ZNF280D: variants seen among roughly 807,000 people sequenced by gnomAD.
ZNF280D encodes zinc finger protein 280D.
In ZNF280D, 39 loss-of-function variants were observed where a neutral mutation model predicts 94.7. The observed-to-expected ratio is 0.41, with a 90% confidence interval of 0.32 to 0.54. The LOEUF is 0.54. Ranked by LOEUF, ZNF280D falls within the 20% of genes least tolerant of loss-of-function variation. The pLI, the probability that ZNF280D is intolerant of heterozygous loss-of-function variation, is 0.22. For missense variants in ZNF280D, 1,090 were observed against 1,149.3 expected, an observed-to-expected ratio of 0.95 and a Z score of 0.75; for synonymous variants, 398 against 377.6, an observed-to-expected ratio of 1.05 and a Z score of -0.63.
At chr15:56,719,092 C>A (rs1181011016) in intron 1 of ZNF280D, among the ~76,000 whole-genome samples, 6 of 152,086 alleles carry the variant, frequency 3.9e-5, no homozygotes, top group Non-Finnish European at 1.5e-5. Context: ...CTAATAGATC[C>A]CATAGTCTCA....
At chr15:56,706,682 C>A (rs977605859) in intron 3 of ZNF280D, among the ~76,000 whole-genome samples, 3 of 152,096 alleles carry the variant, frequency 2.0e-5, no homozygotes, top group African/African-American at 7.2e-5. Context: ...GCAGCCCTAG[C>A]AAACTCATAT....
chr15:56,635,097 T>C, intron 21 of ZNF280D, 98 bp downstream of exon 21: 1 of 679,762 alleles, frequency 1.5e-6, no homozygotes. Context: ...TATACAAACA[T>C]TTAAATAGTC....
At chr15:56,680,395 T>C (rs563353668) in intron 10 of ZNF280D, among the ~76,000 whole-genome samples, 2 of 152,332 alleles carry the variant, frequency 1.3e-5, no homozygotes, top group South Asian at 2.1e-4. Context: ...TTATCAGATA[T>C]AATTTTCTTA....
chr15:56,725,664 T>G (rs2058594661), intron 1 of ZNF280D, among the ~76,000 whole-genome samples: 1 of 152,050 alleles, frequency 6.6e-6, no homozygotes, highest in South Asian at 2.1e-4. Context: ...AAGACCACAT[T>G]TAGAGAACTA....
chr15:56,731,949 A>G (rs2058913537), intron 1 of ZNF280D, among the ~76,000 whole-genome samples: 1 of 152,160 alleles, frequency 6.6e-6, no homozygotes, highest in Non-Finnish European at 1.5e-5. Flanking sequence ...GTGAGAGGTC[A>G]GCTTGAGCCC....
intron 19 of ZNF280D, chr15:56,653,154 T>C: frequency 9.9e-7 from 1 of 1,012,258 alleles, no homozygotes; most frequent in Non-Finnish European, 1.2e-6. Flanking sequence ...TCCAAGGATA[T>C]GAAAGTAGCC....
chr15:56,640,409 CA>C (rs1460451281), intron 20 of ZNF280D, among the ~76,000 whole-genome samples: 2 of 152,020 alleles, frequency 1.3e-5, no homozygotes, highest in Non-Finnish European at 2.9e-5. Context: ...AGGTGTGTGC[CA>C]TTGTGCCCAG....
At chr15:56,672,481 T>C (rs565656567) in intron 13 of ZNF280D, among the ~76,000 whole-genome samples, 2 of 152,288 alleles carry the variant, frequency 1.3e-5, no homozygotes, top group African/African-American at 4.8e-5. Flanking sequence ...GAGTCACATT[T>C]ATTGATTTGC....
chr15:56,673,379 C>T (rs539281447), intron 13 of ZNF280D, among the ~76,000 whole-genome samples: 1 of 152,144 alleles, frequency 6.6e-6, no homozygotes, highest in South Asian at 2.1e-4. Flanking sequence ...CTTTCTCTTA[C>T]ATCTACTGTC....
Position 56,637,493 on chromosome 15 carries a change from T to C in ZNF280D, c.2260-2243A>G, listed in dbSNP as rs1016715675. 3.3e-5 allele frequency among the ~76,000 whole-genome samples: 5 copies of C among 152,132 alleles called. No individual in the cohort carries two copies. The South Asian group carries it at 6.2e-4, about 19-fold the overall frequency. On this transcript the variant is annotated intron_variant, in intron 20 of 21. Coordinates refer to ENST00000267807, the MANE Select transcript of ZNF280D (RefSeq NM_017661.4). ...ACCACACCTGGCCTCTCCATAATGA[T>C]GTTGAGACCATCCTCCTCAACAAAG... is the stretch of plus-strand genomic sequence containing the variant.
rs768319086 is a variant in ZNF280D at position 56,704,282 on chromosome 15, G to A, written c.29-15C>T. On this transcript the variant is annotated splice_polypyrimidine_tract_variant and intron_variant, in intron 3 of 21. Transcript: ENST00000267807. ...TTTTGAATTACCTAATTTTCAAAAG[G>A]AGAGAAGTAAACCTCATTTTTGAAA... 88 of 1,597,722 alleles carry A rather than the reference G, an allele frequency of 5.5e-5. No individual in the cohort carries two copies. Among genetic ancestry groups the A allele is most frequent in the Non-Finnish European group, 7.1e-5 (83 of 1,175,006 alleles).
intron 13 of ZNF280D, among the ~76,000 whole-genome samples, chr15:56,669,391 G>C (rs1471765795): frequency 6.6e-6 from 1 of 151,898 alleles, no homozygotes; most frequent in African/African-American, 2.4e-5. Context: ...AATCTAACCA[G>C]ACATTTCAAA....
rs2052082262 is a variant in ZNF280D, at chr15:56,631,708, A to G, written c.2730T>C (p.Val910=). ...CCAAATGAATACTGCCTTGCTCGCT[A>G]ACATCAGAACTAACAGATTCAGGTT... is the stretch of plus-strand genomic sequence containing the variant. The part of the protein sequence containing the change: ...RHEPESVSSD[V]SEQGSIHLEP... The change falls in exon 22 of 22, where the codon GTT becomes GTC. Residue 910 remains valine, a synonymous_variant. Coordinates refer to ENST00000267807, the MANE Select transcript of ZNF280D (RefSeq NM_017661.4). 1 of 1,614,058 alleles carries G rather than the reference A, an allele frequency of 6.2e-7. No individual in the cohort carries two copies. Among genetic ancestry groups the G allele is most frequent in the African/African-American group, 1.3e-5 (1 of 74,928 alleles).
chr15:56,727,675 G>A (rs1382007171), intron 1 of ZNF280D, among the ~76,000 whole-genome samples: 1 of 152,056 alleles, frequency 6.6e-6, no homozygotes, highest in Non-Finnish European at 1.5e-5. Context: ...TGCCCAAAAT[G>A]GAAGAGAAGA....
intron 1 of ZNF280D, among the ~76,000 whole-genome samples, chr15:56,731,500 C>T (rs2058884189): frequency 1.3e-5 from 1 of 78,904 alleles, no homozygotes; most frequent in African/African-American, 4.2e-5. Context: ...GAGCAAGTAC[C>T]TATCTCAAAA....
Position 56,630,733 on chromosome 15 carries a change from T to C in ZNF280D, c.*765A>G, listed in dbSNP as rs772908687. The stretch of plus-strand genomic sequence containing the variant: ...GGTTTCTACTTTACATTAATACAAC[T>C]AATACATCAAAGAATTTCTACACAG... On this transcript the variant is annotated 3_prime_UTR_variant, in exon 22 of 22. Transcript: ENST00000267807. The C allele has an allele frequency of 4.6e-5, 7 of 152,134 alleles. No homozygotes were observed. Among genetic ancestry groups the C allele is most frequent in the Non-Finnish European group, 1.0e-4 (7 of 68,012 alleles). 9.4% of individuals were successfully genotyped at this position (152,134 alleles called of 1,614,324 possible).
At chr15:56,703,346 A>G (rs1163220597) in intron 4 of ZNF280D, among the ~76,000 whole-genome samples, 8 of 152,190 alleles carry the variant, frequency 5.3e-5, no homozygotes, top group African/African-American at 1.4e-4. Flanking sequence ...TGCAGCTTCT[A>G]TTGGTACACA....
rs1187968897 is a variant in ZNF280D at position 56,693,180 on chromosome 15, A to C, written c.417T>G (p.Asn139Lys). 1 of 1,598,796 alleles carries C rather than the reference A, an allele frequency of 6.3e-7. No individual in the cohort carries two copies. Among genetic ancestry groups the C allele is most frequent in the Admixed American group, 1.7e-5 (1 of 57,778 alleles). The change falls in exon 7 of 22, where the codon AAT becomes AAG. Residue 139 changes from asparagine to lysine, a missense_variant. Physicochemically the swap from Asn to Lys is moderately conservative, Grantham distance 94 (BLOSUM62 0). Around this residue, in one of 3 missense-constraint regions of ZNF280D, gnomAD observed 386 missense variants for 372.0 expected, o/e 1.04. Transcript: ENST00000267807. ...AGTCAAACAGTAACTCTGATGACTT[A>C]TTAGACACAACTCGTGATGAGTTTG... is the stretch of plus-strand genomic sequence containing the variant. ...YITNSSRVVSNKSSELLFDLT... is the reference protein window; with the variant it reads ...YITNSSRVVSKKSSELLFDLT...
rs1341957749 is a variant in ZNF280D at position 56,716,301 on chromosome 15, G to C, written c.-85-8995C>G. Among the ~76,000 whole-genome samples the C allele has an allele frequency of 1.2e-4, 18 of 152,200 alleles. No homozygotes were observed. In the South Asian group the frequency reaches 1.9e-3, roughly 16 times the overall value. On this transcript the variant is annotated intron_variant, in intron 1 of 21. Coordinates refer to ENST00000267807, the MANE Select transcript of ZNF280D (RefSeq NM_017661.4). ...AAGTGCTATGAAGGTTATGAACCTG[G>C]AATTATAGTCAGCATAATCAAAATT...
Sources: gnomAD v4.1 joint callset for allele counts (sites outside exome capture counted in the v4.1 genomes callset) on GRCh38, gnomAD v4.1.1 for gene constraint, gnomAD v4.1.1 regional missense constraint, MANE v1.5 for transcripts, NCBI Gene and HGNC (gene_info 2026-07-23, HGNC 2026-07-21) for gene names.